Variants in TBXAS1 observed in about 807,000 individuals in gnomAD.
The protein encoded by TBXAS1 is thromboxane-A synthase.
A neutral mutation model predicts 60.7 loss-of-function variants in TBXAS1; 48 were observed. The observed-to-expected ratio is 0.79, with a 90% CI of 0.63 to 1.01. TBXAS1 has a LOEUF of 1.01. Ranked by LOEUF, TBXAS1 falls within the 50% of genes least tolerant of loss-of-function variation. The probability of loss-of-function intolerance (pLI) is 0.00; values close to 1 mark genes in which losing one functional copy is unlikely to be tolerated. For synonymous variants in TBXAS1, 287 were observed against 269.7 expected, an observed-to-expected ratio of 1.06 and a Z score of -0.63; for missense variants, 685 against 686.3, an observed-to-expected ratio of 1.00 and a Z score of 0.02.
chr7:139,779,601 G>A (rs1057130767), intron 1 of TBXAS1, among the ~76,000 whole-genome samples: 3 of 152,054 alleles, frequency 2.0e-5, no homozygotes, highest in Non-Finnish European at 4.4e-5. Context: ...GCTCCACACC[G>A]GTCATTTATC....
At chr7:139,886,373 T>C (rs1298826717) in intron 3 of TBXAS1, among the ~76,000 whole-genome samples, 1 of 149,358 alleles carries the variant, frequency 6.7e-6, no homozygotes, top group Non-Finnish European at 1.5e-5. Flanking sequence ...AAGGAGGCAC[T>C]CTTTGCAGAT....
intron 7 of TBXAS1, 186 bp from the exon 8 acceptor site, chr7:139,957,448 G>C: frequency 1.4e-6 from 1 of 693,094 alleles, no homozygotes; most frequent in Non-Finnish European, 2.5e-6. Flanking sequence ...TGCCAGGAAT[G>C]GTGAGGAGTA....
chr7:139,962,003 G>A lies in TBXAS1; in HGVS notation c.904G>A (p.Asp302Asn), dbSNP rs181415079. 35 of 1,614,254 alleles carry A rather than the reference G, an allele frequency of 2.2e-5. No individual in the cohort carries two copies. The African/African-American group carries it at 4.4e-4, about 20-fold the overall frequency. ...MGVQDFDIVRDVFSSTGCKPN... is the reference protein window; with the variant it reads ...MGVQDFDIVRNVFSSTGCKPN... ...CGTGCAAGACTTTGACATCGTCAGA[G>A]ACGTTTTCTCCTCTACTGGGTGCAA... The change falls in exon 9 of 13, where the codon GAC (aspartate) becomes AAC (asparagine). Residue 302 changes from aspartate (D) to asparagine (N), a missense_variant. By Grantham distance (23) the Asp-to-Asn change is conservative. Transcript: ENST00000448866.
At chr7:139,786,413 T>C (rs1180614283) in intron 3 of TBXAS1, among the ~76,000 whole-genome samples, 3 of 152,324 alleles carry the variant, frequency 2.0e-5, no homozygotes, top group African/African-American at 7.2e-5. Flanking sequence ...AATTAAGTGA[T>C]AGAATGCAAG....
chr7:139,994,913 G>A (rs1291765860), intron 9 of TBXAS1, among the ~76,000 whole-genome samples: 3 of 152,206 alleles, frequency 2.0e-5, no homozygotes, highest in South Asian at 4.1e-4. Context: ...CCCACCTGAC[G>A]ACAGTGGGGG....
intron 3 of TBXAS1, among the ~76,000 whole-genome samples, chr7:139,880,599 C>T (rs1452113370): frequency 6.6e-6 from 1 of 152,136 alleles, no homozygotes; most frequent in East Asian, 1.9e-4. Context: ...CTGTTCTTTA[C>T]CTTGCTTTGT....
chr7:139,978,288 T>C (rs938955661), intron 9 of TBXAS1, among the ~76,000 whole-genome samples: 2 of 151,606 alleles, frequency 1.3e-5, no homozygotes, highest in Admixed American at 1.3e-4. Flanking sequence ...TTCAGGTGGA[T>C]CATTTGGGCC....
chr7:139,986,533 A>G (rs1246612204), intron 9 of TBXAS1, among the ~76,000 whole-genome samples: 2 of 147,306 alleles, frequency 1.4e-5, no homozygotes. Flanking sequence ...CTCTCCCCCC[A>G]AGTTTCCAAA....
chr7:140,009,738 C>G (rs961976221), intron 10 of TBXAS1, among the ~76,000 whole-genome samples: 5 of 120,322 alleles, frequency 4.2e-5, no homozygotes, highest in African/African-American at 1.6e-4. Flanking sequence ...CACCCCACAC[C>G]TGCTCCACAC....
chr7:139,920,233 C>T (rs1268242505), intron 4 of TBXAS1, among the ~76,000 whole-genome samples: 1 of 152,212 alleles, frequency 6.6e-6, no homozygotes. Flanking sequence ...CGAGGGGTCC[C>T]TCTGCTGGGT....
chr7:139,964,003 A>G (rs1203511582), intron 9 of TBXAS1, among the ~76,000 whole-genome samples: 2 of 152,110 alleles, frequency 1.3e-5, no homozygotes, highest in Non-Finnish European at 2.9e-5. Context: ...TAACCAATGG[A>G]GAAGAGAGGG....
Position 139,962,177 on chromosome 7 carries a change from A to C in TBXAS1, c.1078A>C (p.Asn360His). 6.2e-7 allele frequency: 1 copy of C among 1,614,194 alleles called. No individual in the cohort carries two copies. The highest frequency in any genetic ancestry group is 8.5e-7 in the Non-Finnish European group (1 of 1,180,036). Reference protein sequence around the residue: ...LSFATYLLATNPDCQEKLLRE... With the variant: ...LSFATYLLATHPDCQEKLLRE... ...TTTTGCCACCTACCTACTGGCCACC[A>C]ACCCTGACTGCCAAGAGAAGCTTCT... is the stretch of plus-strand genomic sequence containing the variant. Residue 360 changes from asparagine (N) to histidine (H), a missense_variant, in exon 9 of 13, where the codon AAC (asparagine) becomes CAC (histidine). Physicochemically the swap from Asn to His is moderately conservative, Grantham distance 68 (BLOSUM62 1). Transcript: ENST00000448866.
Position 139,779,937 on chromosome 7 carries a change from G to T in TBXAS1, c.-317-803G>T, listed in dbSNP as rs532202181. ...CACTTTCCCACCCACTTTCCCAGAG[G>T]GGTACCTTCTCCATCTTCTCTCTTT... On this transcript the variant is annotated intron_variant, in intron 1 of 16. Transcript: ENST00000336425. 2.6e-5 allele frequency among the ~76,000 whole-genome samples: 4 copies of T among 152,198 alleles called. No homozygotes were observed. The South Asian group carries it at 8.3e-4, about 32-fold the overall frequency.
intron 5 of TBXAS1, among the ~76,000 whole-genome samples, chr7:139,948,023 C>T (rs1808878038): frequency 6.6e-6 from 1 of 152,138 alleles, no homozygotes; most frequent in Non-Finnish European, 1.5e-5. Flanking sequence ...GGCCACCACA[C>T]CTGGCTAATT....
Position 140,007,073 on chromosome 7 carries a change from TC to T in TBXAS1, c.1135-17del, listed in dbSNP as rs1346407028. ...GGGCTAACACGAACTTCTCCCTTTG[TC>T]ACGACCCCTCCATCAGATGGCCCCT... On this transcript the variant is annotated splice_polypyrimidine_tract_variant and intron_variant, in intron 9 of 12. Transcript: ENST00000448866. The T allele has an allele frequency of 6.2e-7, 1 of 1,612,136 alleles. No individual in the cohort carries two copies. Among genetic ancestry groups the T allele is most frequent in the African/African-American group, 1.3e-5 (1 of 75,014 alleles).
At chr7:140,016,845 G>C (rs77929903) in intron 11 of TBXAS1, 3 of 152,446 alleles carry the variant, frequency 2.0e-5, no homozygotes, top group Admixed American at 1.3e-4. Flanking sequence ...CCAAGCCTAC[G>C]ACCCAGTCAC....
At position 139,936,264 on chromosome 7, in the gene TBXAS1, G is replaced by A. The variant is rs549595955; in HGVS notation, c.407G>A (p.Arg136Lys). ...CGTGACAAAAGATGGGAAGAGGTCA[G>A]AGGTGCCCTGATGTCTGCTTTCAGT... ...FLRDKRWEEV[R>K]GALMSAFSPE... The change falls in exon 5 of 13, where the codon AGA (arginine) becomes AAA (lysine). Residue 136 changes from arginine to lysine, a missense_variant. Coordinates refer to ENST00000448866, the MANE Select transcript of TBXAS1 (RefSeq NM_001061.7). 1 of 1,614,240 alleles carries A rather than the reference G, an allele frequency of 6.2e-7. No individual in the cohort carries two copies. Among genetic ancestry groups the A allele is most frequent in the East Asian group, 2.2e-5 (1 of 44,890 alleles).
At chr7:139,874,927 T>C (rs1298926155) in intron 2 of TBXAS1, among the ~76,000 whole-genome samples, 1 of 152,206 alleles carries the variant, frequency 6.6e-6, no homozygotes, top group Non-Finnish European at 1.5e-5. Context: ...AAATCCTGTC[T>C]TTATTAAAAA....
intron 3 of TBXAS1, among the ~76,000 whole-genome samples, chr7:139,889,838 T>G (rs1490343049): frequency 6.6e-6 from 1 of 152,206 alleles, no homozygotes; most frequent in African/African-American, 2.4e-5. Flanking sequence ...GTTTAAGATT[T>G]CAACATATGA....
Sources: gnomAD v4.1 joint callset for allele counts (sites outside exome capture counted in the v4.1 genomes callset) on GRCh38, gnomAD v4.1.1 for gene constraint, MANE v1.5 for transcripts, NCBI Gene and HGNC (gene_info 2026-07-23, HGNC 2026-07-21) for gene names.